UVSSA: variants seen among roughly 807,000 people sequenced by gnomAD.
The protein encoded by UVSSA is UV-stimulated scaffold protein A.
In UVSSA, 72 loss-of-function variants were observed where a neutral mutation model predicts 73.9. The observed-to-expected ratio is 0.97, with a 90% CI of 0.81 to 1.19. The LOEUF is 1.19. Among genes scored for constraint, UVSSA ranks in the 50% most tolerant of loss-of-function variants. UVSSA has a pLI of 0.00. For synonymous variants in UVSSA, 454 were observed against 391.3 expected (o/e 1.16, Z -1.89); for missense variants, 1,150 against 965.0 (o/e 1.19, Z -2.54).
At chr4:1,342,891 T>C (rs543004850), upstream of UVSSA, among the ~76,000 whole-genome samples, 3 of 152,194 alleles carry the variant, frequency 2.0e-5, no homozygotes, top group Non-Finnish European at 4.4e-5. Flanking sequence ...ATTGCCGTTT[T>C]AAGGCAAATC....
Position 1,375,408 on chromosome 4 carries a change from CGGACGA to C in UVSSA, c.1343_1348del (p.Thr448_Arg449del), listed in dbSNP as rs769632863. 6.2e-7 allele frequency: 1 copy of C among 1,613,546 alleles called. No homozygotes were observed. The highest frequency in any genetic ancestry group is 1.1e-5 in the South Asian group (1 of 91,088). On this transcript the variant is annotated inframe_deletion, in exon 9 of 14. Transcript: ENST00000389851. ...GAAAGACACAGTTGTGCGGTGCTTG[CGGACGA>C]GGACGAGGATGGACGAGGAGGTGTC...
At chr4:1,375,943 C>T in intron 9 of UVSSA, 91 bp from the exon 10 acceptor site, 1 of 1,529,594 alleles carries the variant, frequency 6.5e-7, no homozygotes, top group Non-Finnish European at 8.8e-7. Flanking sequence ...GACCCGAGGC[C>T]CCAGCCTTGC....
At chr4:1,376,683 G>A (rs1718809237) in intron 10 of UVSSA, among the ~76,000 whole-genome samples, 1 of 152,188 alleles carries the variant, frequency 6.6e-6, no homozygotes, top group East Asian at 1.9e-4. Context: ...GCAGCAGAAG[G>A]GGGCACACGG....
intron 9 of UVSSA, among the ~76,000 whole-genome samples, 194 bp downstream of exon 9, chr4:1,375,702 A>C (rs1362559967): frequency 6.6e-6 from 1 of 152,184 alleles, no homozygotes; most frequent in Non-Finnish European, 1.5e-5. Flanking sequence ...CATCAGCTGG[A>C]GCCCGGGTGG....
At position 1,347,747 on chromosome 4, in the gene UVSSA, C is replaced by A; in HGVS notation, c.-16C>A. On this transcript the variant is annotated 5_prime_UTR_variant, in exon 1 of 14. Transcript: ENST00000389851. ...CCTCTGCAGCCTTGCTGGAGGCTGC[C>A]CTGCGGAATCTGAGTGAATAAGGGA... 1 of 223,038 alleles carries A rather than the reference C, an allele frequency of 4.5e-6. No individual in the cohort carries two copies. 13.8% of individuals were successfully genotyped at this position (223,038 alleles called of 1,614,324 possible). A position where few individuals can be genotyped will look rare whatever the true frequency, so the allele number is the denominator to read the frequency against.
intron 8 of UVSSA, among the ~76,000 whole-genome samples, chr4:1,368,712 G>A (rs762715633): frequency 6.6e-6 from 1 of 152,250 alleles, no homozygotes; most frequent in Non-Finnish European, 1.5e-5. Context: ...AGCCTCACCC[G>A]TAGGCTGTCC....
chr4:1,348,224 G>A (rs770366519), intron 2 of UVSSA, 35 bp downstream of exon 2: 8 of 1,520,384 alleles, frequency 5.3e-6, no homozygotes, highest in Non-Finnish European at 7.3e-6. Context: ...TAACTGACTG[G>A]CCCACTGAGC....
At chr4:1,361,502 G>A (rs535445638) in intron 7 of UVSSA, among the ~76,000 whole-genome samples, 1 of 152,408 alleles carries the variant, frequency 6.6e-6, no homozygotes, top group South Asian at 2.1e-4. Flanking sequence ...ACACGCCTAT[G>A]GTGCTGTGTC....
At chr4:1,394,384 T>G (rs1256042416) in exon 14 of UVSSA, 12 of 1,441,970 alleles carry the variant, frequency 8.3e-6, no homozygotes, top group Non-Finnish European at 1.1e-5. Flanking sequence ...TGTTTTCTTC[T>G]AGTACTTTTA....
Position 1,383,762 on chromosome 4 carries a change from G to A in UVSSA, c.1862-4G>A, listed in dbSNP as rs770322351. ...CTCCTGAAGTGCTTGAGTTTTGTTT[G>A]CAGAATGGCAGGACCCTGAGTTGAT... On this transcript the variant is annotated splice_polypyrimidine_tract_variant and splice_region_variant and intron_variant, in intron 12 of 13. Transcript: ENST00000389851. 13 of 1,613,170 alleles carry A rather than the reference G, an allele frequency of 8.1e-6. No homozygotes were observed. Among genetic ancestry groups the A allele is most frequent in the Non-Finnish European group, 9.3e-6 (11 of 1,179,974 alleles).
chr4:1,389,533 G>A (rs1720352979), downstream of UVSSA: 1 of 152,148 alleles, frequency 6.6e-6, no homozygotes, highest in Non-Finnish European at 1.5e-5. Flanking sequence ...CAGTATGACT[G>A]GCTAATTTTT....
chr4:1,365,241 T>C (rs1717156595), intron 7 of UVSSA, among the ~76,000 whole-genome samples: 1 of 152,222 alleles, frequency 6.6e-6, no homozygotes. Flanking sequence ...CAGTTCTTCT[T>C]GGCCCTGTTA....
rs140738884 is a variant in UVSSA, at chr4:1,394,708, C to T, written c.*8747C>T. ...CGTGCCCATGTGGAGTGCCCGCCTG[C>T]TCACACACGTGTCCATGTGGAGTGC... is the stretch of plus-strand genomic sequence containing the variant. On this transcript the variant is annotated 3_prime_UTR_variant, in exon 14 of 14. Transcript: ENST00000511216. 12 of 1,601,530 alleles carry T rather than the reference C, an allele frequency of 7.5e-6. No homozygotes were observed. In the African/African-American group the frequency reaches 1.5e-4, roughly 21 times the overall value.
intron 8 of UVSSA, 86 bp from the exon 9 acceptor site, chr4:1,375,278 A>C: frequency 6.4e-7 from 1 of 1,571,202 alleles, no homozygotes; most frequent in Non-Finnish European, 8.7e-7. Flanking sequence ...GCTAACGCAT[A>C]GGCGCGTCCT....
At chr4:1,381,773 G>C (rs910800479) in intron 12 of UVSSA, among the ~76,000 whole-genome samples, 3 of 151,158 alleles carry the variant, frequency 2.0e-5, no homozygotes, top group African/African-American at 7.3e-5. Flanking sequence ...CCAGGTTCGA[G>C]CGATCCTCGT....
intron 2 of UVSSA, 42 bp from the exon 3 acceptor site, chr4:1,349,482 C>T (rs1381132533): frequency 6.3e-7 from 1 of 1,583,406 alleles, no homozygotes; most frequent in East Asian, 2.3e-5. Context: ...CGCCCATCCT[C>T]TGCGTGTGGG....
In UVSSA at chr4:1,355,310, G is replaced by T. The variant is rs1406711750; in HGVS notation, c.1176+65G>T. ...CCTCAGTGGGGGAGGAGAAGCTGTG[G>T]GGGGGTTGTGCCCTGGGCCTGTGGG... On this transcript the variant is annotated intron_variant, in intron 7 of 13. Transcript: ENST00000389851. 2.7e-6 allele frequency: 4 copies of T among 1,481,992 alleles called. No individual in the cohort carries two copies. In the South Asian group the frequency reaches 3.7e-5, roughly 14 times the overall value. 91.8% of individuals were successfully genotyped at this position (1,481,992 alleles called of 1,614,324 possible).
intron 9 of UVSSA, 67 bp from the exon 10 acceptor site, chr4:1,375,967 A>T: frequency 6.5e-7 from 1 of 1,546,874 alleles, no homozygotes. Context: ...GGGGGTGGGG[A>T]GGGAGAGGAG....
intron 10 of UVSSA, among the ~76,000 whole-genome samples, chr4:1,379,296 T>G (rs1560480457): frequency 6.6e-6 from 1 of 152,210 alleles, no homozygotes; most frequent in Non-Finnish European, 1.5e-5. Flanking sequence ...AGGGGCAGTC[T>G]GGTCTGTGTG....
Sources: gnomAD v4.1 joint callset for allele counts (sites outside exome capture counted in the v4.1 genomes callset) on GRCh38, gnomAD v4.1.1 for gene constraint, MANE v1.5 for transcripts, NCBI Gene and HGNC (gene_info 2026-07-23, HGNC 2026-07-21) for gene names.